LINGO2: variants seen among roughly 807,000 people sequenced by gnomAD.
LINGO2 encodes the protein leucine rich repeat and Ig domain containing 2.
In LINGO2, 14 loss-of-function variants were observed where a neutral mutation model predicts 30.6. The observed-to-expected ratio is 0.46, with a 90% CI of 0.30 to 0.72. The LOEUF (loss-of-function observed/expected upper bound fraction) is 0.72. LINGO2 is among the 30% of genes least tolerant of loss of function. LINGO2 has a pLI of 0.07. For missense variants in LINGO2, 729 were observed against 751.7 expected, an observed-to-expected ratio of 0.97 and a Z score of 0.35; for synonymous variants, 317 against 288.5, an observed-to-expected ratio of 1.10 and a Z score of -1.00.
chr9:28,477,084 G>T (rs10757744), intron 1 of LINGO2, among the ~76,000 whole-genome samples: 131,064 of 152,158 alleles, frequency 0.86, 56,680 homozygotes, highest in East Asian at 1. Context: ...AGGATCATTT[G>T]CACTCTCTCA....
intron 3 of LINGO2, among the ~76,000 whole-genome samples, chr9:28,369,866 G>C (rs1006035748): frequency 1.3e-5 from 2 of 152,076 alleles, no homozygotes; most frequent in Admixed American, 6.6e-5. Flanking sequence ...GTGAATATTG[G>C]TATTCCTCTT....
chr9:28,808,074 A>C, the LINGO2 span, among the ~76,000 whole-genome samples: 2 of 152,252 alleles, frequency 1.3e-5, no homozygotes, highest in East Asian at 3.9e-4. Context: ...TATTGAAAAC[A>C]CCTCATTTTC....
intron 1 of LINGO2, among the ~76,000 whole-genome samples, chr9:28,556,387 C>T (rs1026830212): frequency 6.6e-6 from 1 of 151,912 alleles, no homozygotes; most frequent in Admixed American, 6.6e-5. Flanking sequence ...TAGTGAACTC[C>T]CACTCACAAT....
At chr9:28,033,260 A>G (rs1823769684) in intron 4 of LINGO2, among the ~76,000 whole-genome samples, 1 of 152,208 alleles carries the variant, frequency 6.6e-6, no homozygotes, top group Non-Finnish European at 1.5e-5. Context: ...GCTTGTCTTC[A>G]GAACTATACA....
intron 2 of LINGO2, among the ~76,000 whole-genome samples, chr9:28,411,901 A>G (rs1367414443): frequency 6.6e-6 from 1 of 152,052 alleles, no homozygotes; most frequent in East Asian, 1.9e-4. Context: ...CAAAGTTTCA[A>G]ATTTCTTCAA....
intron 4 of LINGO2, among the ~76,000 whole-genome samples, chr9:28,030,593 T>C (rs544942960): frequency 6.6e-6 from 1 of 152,314 alleles, no homozygotes; most frequent in Non-Finnish European, 1.5e-5. Flanking sequence ...TTTAAGTATC[T>C]AACAGCAGAT....
intron 4 of LINGO2, among the ~76,000 whole-genome samples, chr9:28,203,274 T>C (rs960810329): frequency 6.6e-6 from 1 of 152,226 alleles, no homozygotes; most frequent in African/African-American, 2.4e-5. Flanking sequence ...TTTATGTCAT[T>C]CCTAATGTTC....
At chr9:28,628,793 C>T (rs1258375721) in intron 1 of LINGO2, among the ~76,000 whole-genome samples, 1 of 152,034 alleles carries the variant, frequency 6.6e-6, no homozygotes, top group African/African-American at 2.4e-5. Context: ...TTAGCTTCCT[C>T]AGCAATGATG....
intron 1 of LINGO2, among the ~76,000 whole-genome samples, chr9:28,568,044 G>A (rs986166931): frequency 6.6e-6 from 1 of 152,118 alleles, no homozygotes; most frequent in Admixed American, 6.5e-5. Context: ...AAATAGCAGG[G>A]AACTGAAGTA....
chr9:28,285,327 T>C (rs918566436), intron 4 of LINGO2, among the ~76,000 whole-genome samples: 4 of 151,996 alleles, frequency 2.6e-5, no homozygotes, highest in Admixed American at 2.0e-4. Flanking sequence ...AATTGTCCCA[T>C]TGGGTCACTA....
At chr9:28,636,874 T>A (rs1827305844) in intron 1 of LINGO2, among the ~76,000 whole-genome samples, 2 of 152,208 alleles carry the variant, frequency 1.3e-5, no homozygotes, top group Admixed American at 6.5e-5. Context: ...GCTTTTGGTG[T>A]TTTAGACATG....
intron 2 of LINGO2, among the ~76,000 whole-genome samples, chr9:28,468,801 A>G (rs1338377573): frequency 2.6e-5 from 4 of 152,192 alleles, no homozygotes; most frequent in Non-Finnish European, 5.9e-5. Context: ...TATTACATTG[A>G]TTAGTAAGTT....
intron 4 of LINGO2, among the ~76,000 whole-genome samples, chr9:28,220,178 G>C (rs982129674): frequency 1.3e-5 from 2 of 152,166 alleles, no homozygotes; most frequent in Admixed American, 6.5e-5. Context: ...TAAGGGACTA[G>C]AGAGTCTGGG....
chr9:28,464,790 A>C lies in LINGO2; in HGVS notation c.-279+11150T>G, dbSNP rs1158199380. ...AAGGTTTCCAAGACAACATTTCAAC[A>C]TTGGATTTGACATAGATTTCTTGAG... is the stretch of plus-strand genomic sequence containing the variant. On this transcript the variant is annotated intron_variant, in intron 2 of 5. Coordinates refer to ENST00000379992, the Ensembl canonical transcript of LINGO2. Among the ~76,000 whole-genome samples the C allele has an allele frequency of 3.9e-5, 6 of 152,218 alleles. 1 individual carries two copies. Among genetic ancestry groups the C allele is most frequent in the African/African-American group, 9.6e-5 (4 of 41,452 alleles).
the LINGO2 span, among the ~76,000 whole-genome samples, chr9:28,869,446 G>A: frequency 6.6e-6 from 1 of 152,010 alleles, no homozygotes; most frequent in African/African-American, 2.4e-5. Context: ...GGAGTGGGGG[G>A]AGGGGTCACA....
At chr9:29,132,017 T>A in the LINGO2 span, among the ~76,000 whole-genome samples, 1 of 151,680 alleles carries the variant, frequency 6.6e-6, no homozygotes, top group African/African-American at 2.4e-5. Context: ...TGACAAGGTT[T>A]CCAGCCAGGT....
At chr9:29,189,841 C>A in the LINGO2 span, among the ~76,000 whole-genome samples, 24 of 151,828 alleles carry the variant, frequency 1.6e-4, 1 homozygote, top group Non-Finnish European at 3.5e-4. Flanking sequence ...GAAACCCCGT[C>A]TCCACCAAAA....
the LINGO2 span, among the ~76,000 whole-genome samples, chr9:28,846,812 A>G: frequency 6.8e-6 from 1 of 147,906 alleles, no homozygotes; most frequent in South Asian, 2.1e-4. Flanking sequence ...AGTAACAATG[A>G]AAATCATTCT....
intron 5 of LINGO2, among the ~76,000 whole-genome samples, chr9:27,955,155 A>T (rs1220254227): frequency 6.6e-5 from 10 of 152,238 alleles, no homozygotes; most frequent in Non-Finnish European, 1.3e-4. Flanking sequence ...TTTTAAAAAA[A>T]GGCTCAACTA....
Sources: gnomAD v4.1 joint callset for allele counts (sites outside exome capture counted in the v4.1 genomes callset) on GRCh38, gnomAD v4.1.1 for gene constraint, MANE v1.5 for transcripts, NCBI Gene and HGNC (gene_info 2026-07-23, HGNC 2026-07-21) for gene names.